FAM53B: variants seen among roughly 807,000 people sequenced by gnomAD.
The protein encoded by FAM53B is family with sequence similarity 53 member B.
A neutral mutation model predicts 32.7 loss-of-function variants in FAM53B; 12 were observed. The observed-to-expected ratio is 0.37, with a 90% CI of 0.24 to 0.59. FAM53B has a LOEUF of 0.59. Ranked by LOEUF, FAM53B falls within the 20% of genes least tolerant of loss-of-function variation. FAM53B has a pLI of 0.72. For missense variants in FAM53B, 477 were observed against 577.7 expected, an observed-to-expected ratio of 0.83 and a Z score of 1.79; for synonymous variants, 234 against 228.7, an observed-to-expected ratio of 1.02 and a Z score of -0.21.
chr10:124,670,529 TC>T (rs1234696169), intron 4 of FAM53B, among the ~76,000 whole-genome samples: 1 of 151,822 alleles, frequency 6.6e-6, no homozygotes, highest in Non-Finnish European at 1.5e-5. Context: ...CAGGAACCTG[TC>T]CCCCCAGCTT....
intron 1 of FAM53B, among the ~76,000 whole-genome samples, chr10:124,741,829 T>C (rs2134107899): frequency 6.6e-6 from 1 of 152,312 alleles, no homozygotes; most frequent in East Asian, 1.9e-4. Context: ...ATGTGCAACA[T>C]ACCCCACGTT....
intron 3 of FAM53B, among the ~76,000 whole-genome samples, chr10:124,684,801 G>A (rs1949792704): frequency 1.3e-5 from 2 of 152,160 alleles, no homozygotes. Context: ...TTACAGGCAT[G>A]AGCCACCGTG....
At chr10:124,706,578 T>TC (rs1450338229) in intron 2 of FAM53B, 58 bp downstream of exon 2, 16 of 1,608,304 alleles carry the variant, frequency 9.9e-6, no homozygotes, top group Non-Finnish European at 1.4e-5. Context: ...CACAGCCCTG[T>TC]CTGTACATCA....
At chr10:124,721,811 CT>C (rs1950070229) in intron 1 of FAM53B, among the ~76,000 whole-genome samples, 1 of 152,222 alleles carries the variant, frequency 6.6e-6, no homozygotes, top group Admixed American at 6.5e-5. Context: ...GCCCTGCAGA[CT>C]GTCCTACTCA....
At chr10:124,697,667 G>A (rs1234757677) in intron 2 of FAM53B, among the ~76,000 whole-genome samples, 1 of 152,166 alleles carries the variant, frequency 6.6e-6, no homozygotes, top group African/African-American at 2.4e-5. Context: ...GGGCAAGTGT[G>A]CTGGGATGAG....
At chr10:124,647,202 ATC>A (rs1228173285) in intron 4 of FAM53B, among the ~76,000 whole-genome samples, 1 of 152,196 alleles carries the variant, frequency 6.6e-6, no homozygotes, top group East Asian at 1.9e-4. Flanking sequence ...TTTAATGTGT[ATC>A]ACTGCCCTGA....
intron 4 of FAM53B, among the ~76,000 whole-genome samples, chr10:124,638,826 C>T (rs1405761276): frequency 1.3e-5 from 2 of 152,224 alleles, no homozygotes; most frequent in Admixed American, 6.5e-5. Context: ...TGGACATGCC[C>T]GCTGGTGGTG....
intron 4 of FAM53B, among the ~76,000 whole-genome samples, chr10:124,670,404 C>A (rs1210405057): frequency 6.6e-6 from 1 of 152,168 alleles, no homozygotes; most frequent in Non-Finnish European, 1.5e-5. Flanking sequence ...GGCCCCAGAG[C>A]CCTGATGGCA....
rs1949324726 is a variant in FAM53B, at chr10:124,623,407, G to T, written c.1104C>A (p.Ala368=). Reference sequence around the variant, plus strand: ...CCTCACAGGACAGGTCCTCCTGGCAGGCGAGGTGGTCGTCGAAGGAAGGGG... The same window carrying T: ...CCTCACAGGACAGGTCCTCCTGGCATGCGAGGTGGTCGTCGAAGGAAGGGG... ...PLPPSFDDHL[A]CQEDLSCEES... Residue 368 remains alanine, a synonymous_variant, in exon 5 of 5, where the codon GCC becomes GCA. Transcript: ENST00000337318. 1 of 1,611,286 alleles carries T rather than the reference G, an allele frequency of 6.2e-7. No homozygotes were observed. Among genetic ancestry groups the T allele is most frequent in the Non-Finnish European group, 8.5e-7 (1 of 1,179,430 alleles).
chr10:124,740,876 A>C (rs1489528086), intron 1 of FAM53B, among the ~76,000 whole-genome samples: 1 of 152,180 alleles, frequency 6.6e-6, no homozygotes, highest in Non-Finnish European at 1.5e-5. Context: ...AGTCCAGCAG[A>C]GCTAAGCTTC....
At chr10:124,702,364 T>C (rs1362731892) in intron 2 of FAM53B, among the ~76,000 whole-genome samples, 1 of 152,244 alleles carries the variant, frequency 6.6e-6, no homozygotes, top group East Asian at 1.9e-4. Flanking sequence ...CCCCGTCAAC[T>C]TCCTCTGAAC....
intron 4 of FAM53B, among the ~76,000 whole-genome samples, chr10:124,669,777 G>A (rs1034009504): frequency 6.6e-5 from 10 of 152,166 alleles, no homozygotes; most frequent in Admixed American, 2.0e-4. Context: ...CCCACTCACC[G>A]CTCTGCCACG....
chr10:124,671,024 C>T (rs1008990573), intron 4 of FAM53B: 9 of 406,964 alleles, frequency 2.2e-5, no homozygotes, highest in African/African-American at 8.1e-5. Flanking sequence ...AGAGATCTCC[C>T]GCCCCGCTGG....
intron 1 of FAM53B, among the ~76,000 whole-genome samples, chr10:124,729,700 C>T: frequency 6.6e-6 from 1 of 152,208 alleles, no homozygotes; most frequent in African/African-American, 2.4e-5. Context: ...GACTGGACTC[C>T]TGACTGTACA....
chr10:124,730,848 C>T (rs1287196167), intron 1 of FAM53B, among the ~76,000 whole-genome samples: 1 of 152,168 alleles, frequency 6.6e-6, no homozygotes, highest in Non-Finnish European at 1.5e-5. Context: ...AAGAGGTCAG[C>T]ACATTTTTTT....
At position 124,698,863 on chromosome 10, in the gene FAM53B, A is replaced by G. The variant is rs554951761; in HGVS notation, c.79-2651T>C. Among the ~76,000 whole-genome samples the G allele has an allele frequency of 2.0e-5, 3 of 152,266 alleles. No homozygotes were observed. In the East Asian group the frequency reaches 5.8e-4, roughly 29 times the overall value. Reference sequence around the variant, plus strand: ...CAACTTCCCACCACAACCAGAATCAAATCCCGGCCACTACCTCTCCTCCAC... The same window carrying G: ...CAACTTCCCACCACAACCAGAATCAGATCCCGGCCACTACCTCTCCTCCAC... On this transcript the variant is annotated intron_variant, in intron 2 of 4. Coordinates refer to ENST00000337318, the MANE Select transcript of FAM53B (RefSeq NM_014661.4).
chr10:124,623,329 A>C lies in FAM53B; in HGVS notation c.1182T>G (p.Ala394=). The C allele has an allele frequency of 6.2e-7, 1 of 1,612,452 alleles. No homozygotes were observed. The highest frequency in any genetic ancestry group is 8.5e-7 in the Non-Finnish European group (1 of 1,179,752). The change falls in exon 5 of 5, where the codon GCT becomes GCG. Residue 394 remains alanine (A), a synonymous_variant. Transcript: ENST00000337318. ...GGGCCCCGCGGTCCCGCCAGGCTGCAGCCGGCTCCGCTCTCCTGCCACAAT... is the reference window on the plus strand; with the variant it reads ...GGGCCCCGCGGTCCCGCCAGGCTGCCGCCGGCTCCGCTCTCCTGCCACAAT... ...DEDCGRRAEP[A]AAWRDRGAPG...
In FAM53B at chr10:124,681,924, C is replaced by G; in HGVS notation, c.589G>C (p.Gly197Arg). 2 of 1,613,994 alleles carry G rather than the reference C, an allele frequency of 1.2e-6. No homozygotes were observed. The highest frequency in any genetic ancestry group is 1.7e-6 in the Non-Finnish European group (2 of 1,179,984). The change falls in exon 4 of 5, where the codon GGG (glycine) becomes CGG (arginine). Residue 197 changes from glycine (G) to arginine (R), a missense_variant. Around this residue, in one of 2 missense-constraint regions of FAM53B, gnomAD observed 312 missense variants for 420.2 expected, o/e 0.74. Coordinates refer to ENST00000337318, the MANE Select transcript of FAM53B (RefSeq NM_014661.4). ...CCACACGGGGCTGAGCCTGGCACCC[C>G]TTGGCAGGGCTGCCCTCCAAATCGG... Reference protein sequence around the residue: ...HHRFGGQPCQGVPGSAPCGQA... With the variant: ...HHRFGGQPCQRVPGSAPCGQA...
intron 1 of FAM53B, among the ~76,000 whole-genome samples, chr10:124,708,636 C>G (rs1187929093): frequency 6.6e-6 from 1 of 152,266 alleles, no homozygotes; most frequent in Non-Finnish European, 1.5e-5. Flanking sequence ...AGCTCAGGAG[C>G]AGGCCAGAGA....
Sources: allele counts gnomAD v4.1 joint callset (sites outside exome capture counted in the v4.1 genomes callset), GRCh38; gene constraint gnomAD v4.1.1; regional missense constraint gnomAD v4.1.1; transcripts MANE v1.5; gene names NCBI Gene and HGNC (gene_info 2026-07-23, HGNC 2026-07-21).